MARCHF11: variants seen among roughly 807,000 people sequenced by gnomAD.
MARCHF11 encodes membrane associated ring-CH-type finger 11, also known as E3 ubiquitin-protein ligase MARCHF11.
A neutral mutation model predicts 37.3 loss-of-function variants in MARCHF11; 29 were observed. The ratio of observed to expected loss-of-function variants is 0.78; its 90% CI spans 0.58 to 1.06. MARCHF11 has a LOEUF of 1.06. Among genes scored for constraint, MARCHF11 ranks in the 50% least tolerant of loss-of-function variants. MARCHF11 has a pLI of 0.00. For missense variants in MARCHF11, 482 were observed against 533.4 expected (o/e 0.90, Z 0.95); for synonymous variants, 233 against 228.0 (o/e 1.02, Z -0.20).
chr5:16,122,185 T>C (rs1375547359), intron 2 of MARCHF11, among the ~76,000 whole-genome samples: 1 of 152,116 alleles, frequency 6.6e-6, no homozygotes, highest in Non-Finnish European at 1.5e-5. Context: ...ATTCAGAAAT[T>C]TGACAGAAGG....
chr5:16,166,026 A>G (rs1043097950), intron 2 of MARCHF11, among the ~76,000 whole-genome samples: 2 of 152,080 alleles, frequency 1.3e-5, no homozygotes, highest in African/African-American at 4.8e-5. Context: ...TATTTGTTTG[A>G]TGATTTATTT....
chr5:16,179,355 G>C lies in MARCHF11; in HGVS notation c.221C>G (p.Pro74Arg), dbSNP rs1738427252. ...CAGCTCGTCCGCTCCCCTGCACCGC[G>C]GGGCCACCTCCCCTAGCGGCTCGCT... ...GPSEPLGEVA[P>R]RCRGADELPP... Residue 74 changes from proline to arginine, a missense_variant, in exon 1 of 4, where the codon CCG becomes CGG. By Grantham distance (103) the Pro-to-Arg change is moderately radical. Transcript: ENST00000332432. 6 of 1,183,606 alleles carry C rather than the reference G, an allele frequency of 5.1e-6. No homozygotes were observed. The East Asian group carries it at 1.1e-4, about 22-fold the overall frequency. 73.3% of individuals were successfully genotyped at this position (1,183,606 alleles called of 1,614,324 possible). A position where few individuals can be genotyped will look rare whatever the true frequency, so the allele number is the denominator to read the frequency against.
In MARCHF11 at chr5:16,115,189, C is replaced by T. The variant is rs1372783908; in HGVS notation, c.694-24108G>A. Among the ~76,000 whole-genome samples the T allele has an allele frequency of 3.3e-5, 5 of 152,292 alleles. No individual in the cohort carries two copies. In the South Asian group the frequency reaches 6.2e-4, roughly 19 times the overall value. ...TAAAATGAAGTATCGAGCCAATTTA[C>T]GTAAGATAAAATTTGTGAGTCTAAT... On this transcript the variant is annotated intron_variant, in intron 2 of 3. Transcript: ENST00000332432.
chr5:16,107,446 G>A (rs1369031882), intron 2 of MARCHF11, among the ~76,000 whole-genome samples: 1 of 152,074 alleles, frequency 6.6e-6, no homozygotes, highest in Non-Finnish European at 1.5e-5. Flanking sequence ...TTGTGATTGG[G>A]AGTACTAGAG....
chr5:16,140,901 G>C (rs67616821), intron 2 of MARCHF11: 1 of 152,012 alleles, frequency 6.6e-6, no homozygotes, highest in Non-Finnish European at 1.5e-5. Flanking sequence ...AGAAAAACTT[G>C]GAGACATCAC....
chr5:16,118,109 G>C (rs112357188), intron 2 of MARCHF11, among the ~76,000 whole-genome samples: 1 of 152,204 alleles, frequency 6.6e-6, no homozygotes, highest in African/African-American at 2.4e-5. Context: ...GCAGACAGAA[G>C]AGTGCCAAGC....
chr5:16,165,384 A>G (rs1738152484), intron 2 of MARCHF11, among the ~76,000 whole-genome samples: 1 of 152,122 alleles, frequency 6.6e-6, no homozygotes. Flanking sequence ...TATTTGTCAC[A>G]ACCAATAAAC....
rs143801828 is a variant in MARCHF11 at position 16,143,170 on chromosome 5, T to C, written c.693+34556A>G. Among the ~76,000 whole-genome samples the C allele has an allele frequency of 2.6e-5, 4 of 152,256 alleles. No homozygotes were observed. In the East Asian group the frequency reaches 7.7e-4, roughly 29 times the overall value. ...TTTACTGGCCCTTGGCTCTTCATTC[T>C]GTTTGAAGCCCTTGTATGTGACCCC... On this transcript the variant is annotated intron_variant, in intron 2 of 3. Coordinates refer to ENST00000332432, the MANE Select transcript of MARCHF11 (RefSeq NM_001102562.3).
chr5:16,102,399 T>C (rs559121720), intron 2 of MARCHF11, among the ~76,000 whole-genome samples: 1 of 152,326 alleles, frequency 6.6e-6, no homozygotes, highest in Admixed American at 6.5e-5. Flanking sequence ...AAATGAGAAC[T>C]TGACATCCCT....
At chr5:16,118,162 C>A (rs752602416) in intron 2 of MARCHF11, among the ~76,000 whole-genome samples, 7 of 152,110 alleles carry the variant, frequency 4.6e-5, no homozygotes, top group Admixed American at 4.6e-4. Context: ...ATAGATGGGA[C>A]GCGCGGGGGG....
intron 1 of MARCHF11, among the ~76,000 whole-genome samples, chr5:16,178,414 A>G (rs941890658): frequency 1.3e-5 from 2 of 152,232 alleles, no homozygotes; most frequent in Non-Finnish European, 2.9e-5. Flanking sequence ...GACATATGCT[A>G]TCATTTCCTC....
chr5:16,138,999 G>A (rs956220551), intron 2 of MARCHF11, among the ~76,000 whole-genome samples: 5 of 152,140 alleles, frequency 3.3e-5, no homozygotes, highest in South Asian at 4.1e-4. Context: ...ATGAGACTTC[G>A]AACTGTAGAC....
intron 2 of MARCHF11, among the ~76,000 whole-genome samples, chr5:16,112,852 T>C (rs1423907158): frequency 6.6e-6 from 1 of 152,190 alleles, no homozygotes; most frequent in Non-Finnish European, 1.5e-5. Flanking sequence ...TCCCCCATAC[T>C]GTTCTTGTGA....
chr5:16,089,795 T>C (rs1363858599), intron 3 of MARCHF11, among the ~76,000 whole-genome samples: 1 of 152,248 alleles, frequency 6.6e-6, no homozygotes, highest in African/African-American at 2.4e-5. Flanking sequence ...TTCTAATTAA[T>C]AACATAATTG....
intron 2 of MARCHF11, among the ~76,000 whole-genome samples, chr5:16,176,651 G>C (rs1458467293): frequency 6.6e-6 from 1 of 152,046 alleles, no homozygotes; most frequent in African/African-American, 2.4e-5. Context: ...CTATATAAAG[G>C]ATACAAAAAT....
intron 2 of MARCHF11, among the ~76,000 whole-genome samples, chr5:16,163,057 A>C (rs1305559557): frequency 1.3e-5 from 2 of 152,000 alleles, no homozygotes; most frequent in Non-Finnish European, 2.9e-5. Context: ...ATACTATCTC[A>C]ACTCTTCTAA....
intron 2 of MARCHF11, among the ~76,000 whole-genome samples, chr5:16,099,039 T>C (rs1736914700): frequency 6.6e-6 from 1 of 152,196 alleles, no homozygotes; most frequent in Non-Finnish European, 1.5e-5. Context: ...ACTCTTTTGA[T>C]GTACACACTC....
chr5:16,179,669 GA>G lies in MARCHF11; in HGVS notation c.-95del. ...CGCGGAGGGGGCGGGAGGGAGAGGG[GA>G]AAAGGAGGGAGGGGGCCCGGACGCC... On this transcript the variant is annotated 5_prime_UTR_variant, in exon 1 of 4. Transcript: ENST00000332432. 1.9e-6 allele frequency: 1 copy of G among 537,092 alleles called. No individual in the cohort carries two copies. The allele number at this position is 537,092 out of a possible 1,614,324, so 33.3% of individuals were successfully genotyped here. A position where few individuals can be genotyped will look rare whatever the true frequency, so the allele number is the denominator to read the frequency against.
chr5:16,097,680 CG>C (rs1484939093), intron 2 of MARCHF11, among the ~76,000 whole-genome samples: 1 of 152,122 alleles, frequency 6.6e-6, no homozygotes, highest in Admixed American at 6.5e-5. Context: ...TACATAGAAA[CG>C]GAAGTTGTCA....
Sources: gnomAD v4.1 joint callset for allele counts (sites outside exome capture counted in the v4.1 genomes callset) on GRCh38, gnomAD v4.1.1 for gene constraint, MANE v1.5 for transcripts, NCBI Gene and HGNC (gene_info 2026-07-23, HGNC 2026-07-21) for gene names.